AVL9: variants seen among roughly 807,000 people sequenced by gnomAD.
AVL9 encodes the protein AVL9 cell migration associated, also known as late secretory pathway protein AVL9 homolog.
In AVL9, 49 loss-of-function variants were observed where a neutral mutation model predicts 79.2. The ratio of observed to expected loss-of-function variants is 0.62; its 90% confidence interval spans 0.49 to 0.79. The LOEUF is 0.79. Among genes scored for constraint, AVL9 ranks in the 30% least tolerant of loss-of-function variants. The pLI is 0.00. For missense variants in AVL9, 682 were observed against 776.8 expected (o/e 0.88, Z 1.45); for synonymous variants, 299 against 280.6 (o/e 1.07, Z -0.65).
intron 13 of AVL9, among the ~76,000 whole-genome samples, chr7:32,579,581 T>TA (rs1791391725): frequency 8.7e-5 from 1 of 11,526 alleles, no homozygotes; most frequent in African/African-American, 5.2e-4. Flanking sequence ...ATATTATATA[T>TA]TATATATTAT....
intron 1 of AVL9, among the ~76,000 whole-genome samples, chr7:32,520,331 C>T (rs1788084406): frequency 1.3e-5 from 2 of 152,112 alleles, no homozygotes; most frequent in South Asian, 4.1e-4. Context: ...GTAAAAATAG[C>T]CACTGTAAGG....
chr7:32,521,207 T>C (rs1788134496), intron 1 of AVL9, among the ~76,000 whole-genome samples: 1 of 152,158 alleles, frequency 6.6e-6, no homozygotes, highest in Non-Finnish European at 1.5e-5. Context: ...AAAATATACT[T>C]GAAAATGTGG....
chr7:32,519,235 T>C (rs1788035446), intron 1 of AVL9, among the ~76,000 whole-genome samples: 2 of 152,126 alleles, frequency 1.3e-5, no homozygotes, highest in South Asian at 4.1e-4. Flanking sequence ...GAGACCAGCC[T>C]GGCCAAGATG....
rs527911218 is a variant in AVL9, at chr7:32,510,893, C to A, written c.93+15091C>A. 8.9e-3 allele frequency among the ~76,000 whole-genome samples: 1,170 copies of A among 131,684 alleles called. 30 individuals carry two copies. Among genetic ancestry groups the A allele is most frequent in the African/African-American group, 0.03 (1,064 of 35,216 alleles). The allele number at this position is 131,684 out of a possible 152,430, so 86.4% of individuals were successfully genotyped here. The stretch of plus-strand genomic sequence containing the variant: ...GTTGGGAGAATCCACAGTCCTGGCA[C>A]TTCTGAACTGCCCCAGTATGAGGGA... On this transcript the variant is annotated intron_variant, in intron 1 of 15. Coordinates refer to ENST00000318709, the MANE Select transcript of AVL9 (RefSeq NM_015060.3).
chr7:32,536,191 T>TAA (rs1562771903), intron 1 of AVL9: 1 of 151,944 alleles, frequency 6.6e-6, no homozygotes, highest in Non-Finnish European at 1.5e-5. Flanking sequence ...TACAGCTATA[T>TAA]GTACTTCACG....
chr7:32,571,082 A>G (rs976879788), intron 11 of AVL9, among the ~76,000 whole-genome samples: 3 of 148,814 alleles, frequency 2.0e-5, no homozygotes, highest in African/African-American at 7.4e-5. Flanking sequence ...ATACAAAAAA[A>G]TTAGCCAGAC....
chr7:32,513,161 C>G (rs1178336943), intron 1 of AVL9, among the ~76,000 whole-genome samples: 2 of 152,162 alleles, frequency 1.3e-5, no homozygotes, highest in African/African-American at 4.8e-5. Flanking sequence ...AAAAGCTTTT[C>G]TTTTCTCAAA....
chr7:32,504,609 T>C (rs1013960686), intron 1 of AVL9, among the ~76,000 whole-genome samples: 3 of 152,214 alleles, frequency 2.0e-5, no homozygotes, highest in Admixed American at 2.0e-4. Flanking sequence ...ATGAGAGTTT[T>C]AAAGTAGGTG....
At chr7:32,548,076 A>G (rs1789605213) in intron 3 of AVL9, among the ~76,000 whole-genome samples, 1 of 152,160 alleles carries the variant, frequency 6.6e-6, no homozygotes, top group Non-Finnish European at 1.5e-5. Context: ...AACATGGAAC[A>G]ACTAACTTAA....
In AVL9 at chr7:32,495,641, C is replaced by A; in HGVS notation, c.-69C>A. 1 of 1,093,160 alleles carries A rather than the reference C, an allele frequency of 9.1e-7. No individual in the cohort carries two copies. The highest frequency in any genetic ancestry group is 1.2e-6 in the Non-Finnish European group (1 of 846,166). The allele number at this position is 1,093,160 out of a possible 1,614,324, so 67.7% of individuals were successfully genotyped here. On this transcript the variant is annotated 5_prime_UTR_variant, in exon 1 of 16. Coordinates refer to ENST00000318709, the MANE Select transcript of AVL9 (RefSeq NM_015060.3). ...CACCCGAAGTCCGCGGCTTTCCGCA[C>A]ACGGTGGGGTCGTCAGACCCGCTGC...
At chr7:32,509,363 T>C (rs1191509264) in intron 1 of AVL9, among the ~76,000 whole-genome samples, 1 of 151,054 alleles carries the variant, frequency 6.6e-6, no homozygotes, top group Non-Finnish European at 1.5e-5. Flanking sequence ...GCAGGGGCCT[T>C]GTACCCTGTG....
At chr7:32,505,774 T>G (rs890861135) in intron 1 of AVL9, among the ~76,000 whole-genome samples, 18 of 152,320 alleles carry the variant, frequency 1.2e-4, no homozygotes, top group Middle Eastern at 3.4e-3. Context: ...GCTCTGCTGT[T>G]TTTTTATATT....
chr7:32,563,354 C>G (rs960413062), intron 10 of AVL9, among the ~76,000 whole-genome samples: 3 of 151,896 alleles, frequency 2.0e-5, no homozygotes, highest in Non-Finnish European at 4.4e-5. Flanking sequence ...TTTAAATTAC[C>G]TCTAGATTAT....
At chr7:32,553,816 C>T (rs573838387) in intron 7 of AVL9, 49 bp downstream of exon 7, 1 of 1,366,918 alleles carries the variant, frequency 7.3e-7, no homozygotes, top group East Asian at 2.3e-5. Flanking sequence ...ACTAAAATGG[C>T]CAACACTGTT....
intron 1 of AVL9, among the ~76,000 whole-genome samples, chr7:32,517,590 C>T (rs1040830400): frequency 2.0e-5 from 3 of 152,096 alleles, no homozygotes; most frequent in African/African-American, 7.2e-5. Context: ...AGGCATTAGC[C>T]ACCACGCCTG....
intron 1 of AVL9, chr7:32,532,557 C>CA (rs1788708783): frequency 6.6e-6 from 1 of 152,154 alleles, no homozygotes; most frequent in Non-Finnish European, 1.5e-5. Context: ...CTCATAATAA[C>CA]AATTTCTACG....
chr7:32,532,261 TA>T (rs1312367919), intron 1 of AVL9: 1 of 152,248 alleles, frequency 6.6e-6, no homozygotes, highest in Non-Finnish European at 1.5e-5. Context: ...CCCTGACATC[TA>T]GCTGCGTCTC....
At chr7:32,566,322 A>C (rs1237121756) in intron 10 of AVL9, among the ~76,000 whole-genome samples, 1 of 148,778 alleles carries the variant, frequency 6.7e-6, no homozygotes, top group Non-Finnish European at 1.5e-5. Context: ...GACTACAGGC[A>C]CCTGCCACCA....
At chr7:32,581,115 ACT>A (rs1791485005) in intron 15 of AVL9, 1 of 498,652 alleles carries the variant, frequency 2.0e-6, no homozygotes, top group African/African-American at 1.9e-5. Context: ...TGATGAAGTC[ACT>A]GTTTTGCTAC....
Sources: allele counts gnomAD v4.1 joint callset (sites outside exome capture counted in the v4.1 genomes callset), GRCh38; gene constraint gnomAD v4.1.1; transcripts MANE v1.5; gene names NCBI Gene and HGNC (gene_info 2026-07-23, HGNC 2026-07-21).